Variants in AP4M1 observed in about 807,000 individuals in gnomAD.
AP4M1 encodes AP-4 complex subunit mu-1.
Under a neutral mutation model 62.4 loss-of-function variants are expected in AP4M1, and 58 were observed. That is an observed-to-expected ratio of 0.93 (90% CI 0.75 to 1.16). AP4M1 has a LOEUF of 1.16. Ranked by LOEUF, AP4M1 falls within the 50% of genes most tolerant of loss-of-function variation. The pLI, the probability that AP4M1 is intolerant of heterozygous loss-of-function variation, is 0.00. For missense variants in AP4M1, 626 were observed against 585.4 expected, an observed-to-expected ratio of 1.07 and a Z score of -0.72; for synonymous variants, 290 against 239.7, an observed-to-expected ratio of 1.21 and a Z score of -1.94.
chr7:100,107,456 C>T lies in AP4M1; in HGVS notation c.*574C>T. On this transcript the variant is annotated 3_prime_UTR_variant, in exon 15 of 15. Transcript: ENST00000359593. ...CCTCCCCTGTTGGGGGAAGTGAGAC[C>T]ACGATGTACTTCTGGACACTCCCAG... is the stretch of plus-strand genomic sequence containing the variant. 6.2e-7 allele frequency: 1 copy of T among 1,612,826 alleles called. No individual in the cohort carries two copies. The highest frequency in any genetic ancestry group is 1.1e-5 in the South Asian group (1 of 91,018).
Position 100,108,758 on chromosome 7 carries a change from C to T in AP4M1, c.*1876C>T, listed in dbSNP as rs1016337189. On this transcript the variant is annotated 3_prime_UTR_variant, in exon 15 of 15. Transcript: ENST00000359593. ...TCATAAGAAAAGATGGGCACGGGGCCAGGTGCAGCATCTTAGGCCTGTATC... is the reference window on the plus strand; with the variant it reads ...TCATAAGAAAAGATGGGCACGGGGCTAGGTGCAGCATCTTAGGCCTGTATC... The T allele has an allele frequency of 2.3e-5, 11 of 477,676 alleles. No homozygotes were observed. The highest frequency in any genetic ancestry group is 3.7e-5 in the Non-Finnish European group (10 of 269,936). 29.6% of individuals were successfully genotyped at this position (477,676 alleles called of 1,614,324 possible). A position where few individuals can be genotyped will look rare whatever the true frequency, so the allele number is the denominator to read the frequency against.
chr7:100,108,244 A>G lies in AP4M1; in HGVS notation c.*1362A>G, dbSNP rs918133018. The G allele has an allele frequency of 7.6e-6, 11 of 1,453,546 alleles. No homozygotes were observed. In the South Asian group the frequency reaches 1.4e-4, roughly 18 times the overall value. 90.0% of individuals were successfully genotyped at this position (1,453,546 alleles called of 1,614,324 possible). On this transcript the variant is annotated 3_prime_UTR_variant, in exon 15 of 15. Coordinates refer to ENST00000359593, the MANE Select transcript of AP4M1 (RefSeq NM_004722.4). ...CTCTCACTAGGGCTGGGGCATCCTC[A>G]CTCAGGGCCTGGTTGCCCTGAGACT... is the stretch of plus-strand genomic sequence containing the variant.
chr7:100,106,770 C>T lies in AP4M1; in HGVS notation c.1250C>T (p.Ser417Phe). 6.2e-7 allele frequency: 1 copy of T among 1,614,072 alleles called. No homozygotes were observed. Among genetic ancestry groups the T allele is most frequent in the Non-Finnish European group, 8.5e-7 (1 of 1,180,038 alleles). Reference sequence around the variant, plus strand: ...TTCGAGCTTCCCCGGCACACGTGCTCTGGCCTCCAGGTCCGATTCCTCAGG... The same window carrying T: ...TTCGAGCTTCCCCGGCACACGTGCTTTGGCCTCCAGGTCCGATTCCTCAGG... ...LSFELPRHTC[S>F]GLQVRFLRLA... Residue 417 changes from serine (S) to phenylalanine (F), a missense_variant, in exon 15 of 15, where the codon TCT becomes TTT. Coordinates refer to ENST00000359593, the MANE Select transcript of AP4M1 (RefSeq NM_004722.4).
At chr7:100,102,102 C>G in intron 2 of AP4M1, 134 bp downstream of exon 2, 1 of 1,032,962 alleles carries the variant, frequency 9.7e-7, no homozygotes, top group South Asian at 1.4e-5. Context: ...AACGTGAGGC[C>G]CGGCGCGGTG....
In AP4M1 at chr7:100,107,764, G is replaced by A; in HGVS notation, c.*882G>A. On this transcript the variant is annotated 3_prime_UTR_variant, in exon 15 of 15. Transcript: ENST00000359593. ...GTAGACAGCTATGGCTGGAGACCTT[G>A]TTCATGCAGGGCAGCTACAGCCCTG... The A allele has an allele frequency of 7.1e-7, 1 of 1,407,650 alleles. No individual in the cohort carries two copies. The highest frequency in any genetic ancestry group is 9.5e-7 in the Non-Finnish European group (1 of 1,054,252). 87.2% of individuals were successfully genotyped at this position (1,407,650 alleles called of 1,614,324 possible).
At position 100,106,299 on chromosome 7, in the gene AP4M1, T is replaced by A; in HGVS notation, c.1025+8T>A. 6.2e-7 allele frequency: 1 copy of A among 1,613,756 alleles called. No individual in the cohort carries two copies. Among genetic ancestry groups the A allele is most frequent in the East Asian group, 2.2e-5 (1 of 44,870 alleles). On this transcript the variant is annotated splice_region_variant and intron_variant, in intron 13 of 14. Coordinates refer to ENST00000359593, the MANE Select transcript of AP4M1 (RefSeq NM_004722.4). ...GCCTCGAGGGGTGGTCAGGTGAGTG[T>A]GTGCACCCACCACGGGGAGATTCCT... is the stretch of plus-strand genomic sequence containing the variant.
chr7:100,101,584 C>A (rs987721407), upstream of AP4M1: 15 of 1,017,238 alleles, frequency 1.5e-5, no homozygotes, highest in Admixed American at 2.7e-4. Flanking sequence ...GGGTTTCCCG[C>A]GGTCCGAGCT....
At chr7:100,105,879 C>A in intron 11 of AP4M1, 80 bp from the exon 12 acceptor site, 1 of 1,534,790 alleles carries the variant, frequency 6.5e-7, no homozygotes, top group Non-Finnish European at 9.0e-7. Context: ...CACACAGCCC[C>A]ACATGGAGGT....
chr7:100,102,667 T>C lies in AP4M1; in HGVS notation c.148-8T>C, dbSNP rs1182748187. On this transcript the variant is annotated splice_region_variant and splice_polypyrimidine_tract_variant and intron_variant, in intron 2 of 14. Coordinates refer to ENST00000359593, the MANE Select transcript of AP4M1 (RefSeq NM_004722.4). ...TTAACGCCTCTCTTCTCCCTGCCTG[T>C]GTCTCAGCATCACCATGGCCGTCAT... The C allele has an allele frequency of 6.2e-7, 1 of 1,613,420 alleles. No individual in the cohort carries two copies. Among genetic ancestry groups the C allele is most frequent in the Non-Finnish European group, 8.5e-7 (1 of 1,179,528 alleles).
chr7:100,105,608 C>T (rs1211674772), intron 11 of AP4M1, 69 bp downstream of exon 11: 1 of 1,458,786 alleles, frequency 6.9e-7, no homozygotes, highest in African/African-American at 1.4e-5. Context: ...TCCCAAGACT[C>T]ACTGCAGAGT....
At chr7:100,102,419 A>T in intron 2 of AP4M1, 1 of 439,430 alleles carries the variant, frequency 2.3e-6, no homozygotes, top group South Asian at 2.2e-5. Flanking sequence ...GAAAAAAAAA[A>T]AAAGAGTCAA....
rs763951737 is a variant in AP4M1, at chr7:100,103,438, G to A, written c.381G>A (p.Thr127=). ...ATGGCTATGTACAGACCACATCCAC[G>A]GAGATGCTGAGGAATTTCATCCAGA... is the stretch of plus-strand genomic sequence containing the variant. ...LDYGYVQTTS[T]EMLRNFIQTE... The change falls in exon 5 of 15, where the codon ACG becomes ACA. Residue 127 remains threonine, a synonymous_variant. Transcript: ENST00000359593. 1.6e-5 allele frequency: 26 copies of A among 1,613,960 alleles called. No individual in the cohort carries two copies. The highest frequency in any genetic ancestry group is 1.7e-5 in the Non-Finnish European group (20 of 1,180,018).
At chr7:100,105,162 TCAGA>T (rs1323064287) in intron 9 of AP4M1, 64 bp downstream of exon 9, 2 of 1,611,454 alleles carry the variant, frequency 1.2e-6, no homozygotes, top group Admixed American at 1.7e-5. Context: ...TGGAGAGAAG[TCAGA>T]CAGAGCCTCC....
rs1796703040 is a variant in AP4M1 at position 100,107,824 on chromosome 7, C to G, written c.*942C>G. ...GGTGGGCGCCTCTTCCAGCTCTTGACTTGGGGCCCAGAGGGGACTGTGCTC... is the reference window on the plus strand; with the variant it reads ...GGTGGGCGCCTCTTCCAGCTCTTGAGTTGGGGCCCAGAGGGGACTGTGCTC... On this transcript the variant is annotated 3_prime_UTR_variant, in exon 15 of 15. Transcript: ENST00000359593. 4 of 1,455,374 alleles carry G rather than the reference C, an allele frequency of 2.7e-6. No individual in the cohort carries two copies. In the East Asian group the frequency reaches 9.4e-5, roughly 34 times the overall value. 90.2% of individuals were successfully genotyped at this position (1,455,374 alleles called of 1,614,324 possible).
rs201125133 is a variant in AP4M1 at position 100,108,101 on chromosome 7, G to A, written c.*1219G>A. The stretch of plus-strand genomic sequence containing the variant: ...GCGAGGGCCAGGCTGTGGGGCCTGC[G>A]AGAGGGTCAGCGTGGGCCGGGGCTG... On this transcript the variant is annotated 3_prime_UTR_variant, in exon 15 of 15. Coordinates refer to ENST00000359593, the MANE Select transcript of AP4M1 (RefSeq NM_004722.4). The A allele has an allele frequency of 9.3e-6, 15 of 1,606,692 alleles. No individual in the cohort carries two copies. Among genetic ancestry groups the A allele is most frequent in the Admixed American group, 5.1e-5 (3 of 58,380 alleles).
chr7:100,101,585 G>C (rs1224726394), upstream of AP4M1: 5 of 1,025,566 alleles, frequency 4.9e-6, no homozygotes, highest in Non-Finnish European at 7.5e-6. Flanking sequence ...GGTTTCCCGC[G>C]GTCCGAGCTG....
chr7:100,106,805 A>T lies in AP4M1; in HGVS notation c.1285A>T (p.Arg429Trp). 6.2e-7 allele frequency: 1 copy of T among 1,614,034 alleles called. No homozygotes were observed. The highest frequency in any genetic ancestry group is 8.5e-7 in the Non-Finnish European group (1 of 1,180,052). The change falls in exon 15 of 15, where the codon AGG (arginine) becomes TGG (tryptophan). Residue 429 changes from arginine to tryptophan, a missense_variant. Coordinates refer to ENST00000359593, the MANE Select transcript of AP4M1 (RefSeq NM_004722.4). ...GGTCCGATTCCTCAGGCTGGCCTTC[A>T]GGCCATGCGGCAATGCCAACCCCCA... Reference protein sequence around the residue: ...LQVRFLRLAFRPCGNANPHKW... With the variant: ...LQVRFLRLAFWPCGNANPHKW...
At position 100,105,254 on chromosome 7, in the gene AP4M1, A is replaced by T. The variant is rs373696169; in HGVS notation, c.742A>T (p.Ile248Phe). The change falls in exon 10 of 15, where the codon ATC becomes TTC. Residue 248 changes from isoleucine to phenylalanine, a missense_variant. Coordinates refer to ENST00000359593, the MANE Select transcript of AP4M1 (RefSeq NM_004722.4). Reference protein sequence around the residue: ...KSELRGYGPGIRVDEVSFHSS... With the variant: ...KSELRGYGPGFRVDEVSFHSS... ...TCTCTTTCCAGGTTATGGGCCAGGAATCCGGGTCGATGAAGTCTCGTTTCA... is the reference window on the plus strand; with the variant it reads ...TCTCTTTCCAGGTTATGGGCCAGGATTCCGGGTCGATGAAGTCTCGTTTCA... 1 of 1,614,142 alleles carries T rather than the reference A, an allele frequency of 6.2e-7. No individual in the cohort carries two copies. The highest frequency in any genetic ancestry group is 2.2e-5 in the East Asian group (1 of 44,876).
intron 6 of AP4M1, 113 bp from the exon 7 acceptor site, chr7:100,103,979 A>G (rs1157691793): frequency 3.2e-6 from 3 of 930,892 alleles, no homozygotes; most frequent in African/African-American, 1.6e-5. Context: ...TCCATCACCC[A>G]TGTCCTCACC....
Sources: gnomAD v4.1 joint callset for allele counts on GRCh38, gnomAD v4.1.1 for gene constraint, MANE v1.5 for transcripts, NCBI Gene and HGNC (gene_info 2026-07-23, HGNC 2026-07-21) for gene names.